The following TAFA2 variants were observed in gnomAD, a reference collection of about 807,000 sequenced individuals.
The protein encoded by TAFA2 is TAFA chemokine like family member 2, also known as chemokine-like protein TAFA-2.
TAFA2 carries 7 observed loss-of-function variants against 18.8 expected under a neutral mutation model. The ratio of observed to expected loss-of-function variants is 0.37; its 90% CI spans 0.21 to 0.70. The LOEUF (loss-of-function observed/expected upper bound fraction) is 0.70, where lower values mean the gene tolerates loss of function less well. Ranked by LOEUF, TAFA2 falls within the 30% of genes least tolerant of loss-of-function variation. The pLI is 0.53. For missense variants in TAFA2, 122 were observed against 158.1 expected, an observed-to-expected ratio of 0.77 and a Z score of 1.23; for synonymous variants, 60 against 54.2, an observed-to-expected ratio of 1.11 and a Z score of -0.47.
chr12:61,800,542 A>G (rs1186048732), intron 2 of TAFA2, among the ~76,000 whole-genome samples: 1 of 152,200 alleles, frequency 6.6e-6, no homozygotes, highest in Non-Finnish European at 1.5e-5. Flanking sequence ...GCCTATGAAA[A>G]GAATCAGGAA....
chr12:62,109,506 A>T (rs890223169), intron 1 of TAFA2, among the ~76,000 whole-genome samples: 5 of 152,102 alleles, frequency 3.3e-5, no homozygotes, highest in African/African-American at 1.2e-4. Flanking sequence ...GTTTTTTCTA[A>T]TTCTGTGAAG....
At chr12:61,782,242 C>T (rs1870536730) in intron 2 of TAFA2, among the ~76,000 whole-genome samples, 1 of 151,632 alleles carries the variant, frequency 6.6e-6, no homozygotes, top group Non-Finnish European at 1.5e-5. Flanking sequence ...GTTCGTTATA[C>T]CCGCCTCCCT....
intron 4 of TAFA2, among the ~76,000 whole-genome samples, chr12:61,733,127 T>G (rs1868250789): frequency 6.6e-6 from 1 of 152,122 alleles, no homozygotes; most frequent in South Asian, 2.1e-4. Context: ...TTGTTTGTTT[T>G]TTTCTTGTAA....
intron 1 of TAFA2, among the ~76,000 whole-genome samples, chr12:62,135,038 C>T (rs79208917): frequency 0.022 from 3,314 of 151,994 alleles, 124 homozygotes; most frequent in African/African-American, 0.075. Context: ...AGTTAAAACC[C>T]CCTACTATTC....
At chr12:61,876,910 G>A (rs1299559595) in intron 1 of TAFA2, among the ~76,000 whole-genome samples, 1 of 152,168 alleles carries the variant, frequency 6.6e-6, no homozygotes, top group Non-Finnish European at 1.5e-5. Context: ...ACGTCACAAT[G>A]AAAGAGACAG....
At chr12:62,164,536 T>C (rs954181154) in intron 1 of TAFA2, among the ~76,000 whole-genome samples, 18 of 152,146 alleles carry the variant, frequency 1.2e-4, no homozygotes, top group Admixed American at 9.8e-4. Flanking sequence ...ACACACACGA[T>C]TCACTCATGA....
At chr12:62,122,279 G>A (rs1870232722) in intron 1 of TAFA2, among the ~76,000 whole-genome samples, 1 of 152,154 alleles carries the variant, frequency 6.6e-6, no homozygotes, top group South Asian at 2.1e-4. Flanking sequence ...TGTGAGATCA[G>A]CATATGATCT....
chr12:62,138,115 T>C (rs911747609), intron 1 of TAFA2, among the ~76,000 whole-genome samples: 4 of 152,102 alleles, frequency 2.6e-5, no homozygotes, highest in African/African-American at 9.7e-5. Flanking sequence ...TCCCCAGTTA[T>C]GCTATTTAAA....
intron 1 of TAFA2, among the ~76,000 whole-genome samples, chr12:62,035,671 G>A (rs1216999680): frequency 6.7e-6 from 1 of 149,106 alleles, no homozygotes; most frequent in African/African-American, 2.5e-5. Flanking sequence ...GCAGGGGCCA[G>A]ACCCTCTAGG....
intron 2 of TAFA2, among the ~76,000 whole-genome samples, chr12:61,767,601 C>T (rs1022619681): frequency 6.6e-6 from 1 of 151,974 alleles, no homozygotes; most frequent in Non-Finnish European, 1.5e-5. Context: ...CCAACAAAAT[C>T]TTTTCTCACA....
At chr12:62,074,826 C>T (rs1882721742) in intron 1 of TAFA2, among the ~76,000 whole-genome samples, 3 of 151,888 alleles carry the variant, frequency 2.0e-5, no homozygotes, top group South Asian at 2.1e-4. Context: ...CTCAGCCTCC[C>T]GAGTAGCTGG....
intron 2 of TAFA2, among the ~76,000 whole-genome samples, chr12:61,843,517 A>G (rs1873276878): frequency 6.6e-6 from 1 of 152,102 alleles, no homozygotes; most frequent in Admixed American, 6.6e-5. Context: ...TCATAATGGG[A>G]AAAGTCTGTT....
chr12:61,798,187 T>C (rs776649802), intron 2 of TAFA2, among the ~76,000 whole-genome samples: 1 of 152,222 alleles, frequency 6.6e-6, no homozygotes, highest in African/African-American at 2.4e-5. Context: ...TCATGATCTA[T>C]TAATTTGCTA....
At chr12:61,887,551 A>G (rs1257409439) in intron 1 of TAFA2, among the ~76,000 whole-genome samples, 1 of 149,494 alleles carries the variant, frequency 6.7e-6, no homozygotes, top group African/African-American at 2.5e-5. Flanking sequence ...GTCATCTAGC[A>G]TTAGGTATAT....
At chr12:61,828,267 T>C (rs917911718) in intron 2 of TAFA2, among the ~76,000 whole-genome samples, 2 of 152,018 alleles carry the variant, frequency 1.3e-5, no homozygotes, top group East Asian at 3.9e-4. Flanking sequence ...ACAGCAAATA[T>C]CACTGAAATA....
intron 1 of TAFA2, among the ~76,000 whole-genome samples, chr12:61,871,806 T>G (rs565640593): frequency 1.1e-4 from 17 of 152,160 alleles, no homozygotes; most frequent in Admixed American, 2.6e-4. Flanking sequence ...AAAGTACATT[T>G]AATTGGCCAG....
At chr12:61,899,081 T>G (rs1213780392) in intron 1 of TAFA2, among the ~76,000 whole-genome samples, 2 of 152,128 alleles carry the variant, frequency 1.3e-5, no homozygotes, top group Non-Finnish European at 2.9e-5. Flanking sequence ...ATTCTTCATC[T>G]CCATCTGAGA....
At chr12:62,185,809 T>A (rs2136956113) in intron 1 of TAFA2, among the ~76,000 whole-genome samples, 1 of 152,342 alleles carries the variant, frequency 6.6e-6, no homozygotes, top group African/African-American at 2.4e-5. Flanking sequence ...CTATTGTTTG[T>A]AAGGTCCTGG....
intron 1 of TAFA2, among the ~76,000 whole-genome samples, chr12:61,897,329 C>T (rs530535823): frequency 3.3e-5 from 5 of 152,056 alleles, no homozygotes; most frequent in Admixed American, 3.3e-4. Context: ...TTGCTTTTTT[C>T]ACTCAACATT....
Sources: allele counts gnomAD v4.1 joint callset (sites outside exome capture counted in the v4.1 genomes callset), GRCh38; gene constraint gnomAD v4.1.1; transcripts MANE v1.5; gene names NCBI Gene and HGNC (gene_info 2026-07-23, HGNC 2026-07-21).